ZMYM6: variants seen among roughly 807,000 people sequenced by gnomAD.
ZMYM6 encodes the protein zinc finger MYM-type containing 6.
A neutral mutation model predicts 134.0 loss-of-function variants in ZMYM6; 90 were observed. The observed-to-expected ratio is 0.67, with a 90% CI of 0.57 to 0.80. The LOEUF (loss-of-function observed/expected upper bound fraction) is 0.80, where lower values mean the gene tolerates loss of function less well. ZMYM6 is among the 30% of genes least tolerant of loss of function. ZMYM6 has a pLI of 0.00. For missense variants in ZMYM6, 1,362 were observed against 1,533.9 expected (o/e 0.89, Z 1.87); for synonymous variants, 481 against 524.1 (o/e 0.92, Z 1.12).
At chr1:35,025,045 A>C (rs1268069425) in intron 2 of ZMYM6, among the ~76,000 whole-genome samples, 1 of 151,860 alleles carries the variant, frequency 6.6e-6, no homozygotes, top group Non-Finnish European at 1.5e-5. Context: ...ATTTTTTTGT[A>C]TTTTTAGTAG....
At chr1:35,017,955 T>C (rs1641234423) in intron 4 of ZMYM6, 2 of 152,352 alleles carry the variant, frequency 1.3e-5, no homozygotes, top group South Asian at 4.1e-4. Flanking sequence ...AAACTAAGTT[T>C]ACTCTTTCAG....
chr1:35,015,009 A>C lies in ZMYM6; in HGVS notation c.582T>G (p.Ser194Arg). The change falls in exon 5 of 16, where the codon AGT becomes AGG. Residue 194 changes from serine (S) to arginine (R), a missense_variant. Around this residue, in one of 3 missense-constraint regions of ZMYM6, gnomAD observed 503 missense variants for 520.8 expected, o/e 0.97. Coordinates refer to ENST00000357182, the MANE Select transcript of ZMYM6 (RefSeq NM_007167.4). ...IYTKSISTKC[S>R]MCQKNADTRF... ...TTACATCAGCATTCTTCTGACACAT[A>C]CTGCACTTAGTTGAAATGCTTTTGG... The C allele has an allele frequency of 6.2e-7, 1 of 1,612,976 alleles. No homozygotes were observed.
Position 35,005,127 on chromosome 1 carries a change from C to T in ZMYM6, c.1954+5G>A. ...TTAGCCAAATGCCATTATATCAAGT[C>T]ATACCTTTTAAAACACTGTTAGTGT... On this transcript the variant is annotated splice_donor_5th_base_variant and intron_variant, in intron 13 of 15. Transcript: ENST00000357182. 1 of 1,613,844 alleles carries T rather than the reference C, an allele frequency of 6.2e-7. No individual in the cohort carries two copies. Among genetic ancestry groups the T allele is most frequent in the South Asian group, 1.1e-5 (1 of 90,998 alleles).
At chr1:34,995,054 G>A (rs923305305) in intron 14 of ZMYM6, among the ~76,000 whole-genome samples, 12 of 124,836 alleles carry the variant, frequency 9.6e-5, no homozygotes, top group African/African-American at 2.6e-4. Context: ...ACTTACATAC[G>A]TATATATATG....
In ZMYM6 at chr1:34,988,117, T is replaced by C. The variant is rs1268012862; in HGVS notation, c.2965A>G (p.Arg989Gly). 1 of 1,551,532 alleles carries C rather than the reference T, an allele frequency of 6.4e-7. No homozygotes were observed. The highest frequency in any genetic ancestry group is 2.4e-5 in the East Asian group (1 of 40,922). Residue 989 changes from arginine (R) to glycine (G), a missense_variant, in exon 16 of 16, where the codon AGG (arginine) becomes GGG (glycine). Arg to Gly is a moderately radical substitution (Grantham distance 125). Coordinates refer to ENST00000357182, the MANE Select transcript of ZMYM6 (RefSeq NM_007167.4). The stretch of plus-strand genomic sequence containing the variant: ...ATTTTTGCTTTTAAACCAGAATACC[T>C]GCCAGTCATGCTTGCAGCCCCATCG... ...CTDGAASMTG[R>G]YSGLKAKIQE...
chr1:34,997,811 A>C (rs1259721746), intron 14 of ZMYM6, among the ~76,000 whole-genome samples: 1 of 152,270 alleles, frequency 6.6e-6, no homozygotes, highest in East Asian at 1.9e-4. Context: ...GTACATACTT[A>C]CAATTTCTTA....
chr1:35,000,005 C>T (rs778208421), intron 14 of ZMYM6, among the ~76,000 whole-genome samples: 10 of 151,992 alleles, frequency 6.6e-5, no homozygotes, highest in Non-Finnish European at 1.2e-4. Context: ...CTCAGCTCAC[C>T]GCGGCCTTGA....
intron 2 of ZMYM6, among the ~76,000 whole-genome samples, chr1:35,022,271 T>C (rs567368851): frequency 6.6e-6 from 1 of 152,216 alleles, no homozygotes; most frequent in Admixed American, 6.5e-5. Flanking sequence ...CTCTCTGTTT[T>C]GTTTTTTTTT....
At chr1:35,024,291 T>C (rs1641365644) in intron 2 of ZMYM6, among the ~76,000 whole-genome samples, 1 of 152,240 alleles carries the variant, frequency 6.6e-6, no homozygotes, top group African/African-American at 2.4e-5. Flanking sequence ...AAAATCACCA[T>C]TGTTTATTTG....
chr1:34,992,070 T>C (rs1180242247), intron 15 of ZMYM6, 164 bp downstream of exon 15: 3 of 875,476 alleles, frequency 3.4e-6, no homozygotes, highest in Admixed American at 4.3e-5. Context: ...TTAGTGTTAA[T>C]AATTATGAAA....
intron 9 of ZMYM6, 57 bp downstream of exon 9, chr1:35,010,701 C>T (rs371365215): frequency 6.5e-7 from 1 of 1,538,532 alleles, no homozygotes; most frequent in East Asian, 2.2e-5. Context: ...ATTGAAAACA[C>T]AAAAGTGTTT....
chr1:35,023,268 T>G (rs1641345045), intron 2 of ZMYM6, among the ~76,000 whole-genome samples: 1 of 152,050 alleles, frequency 6.6e-6, no homozygotes, highest in Admixed American at 6.5e-5. Context: ...CCACCACGCC[T>G]GGCTAATTTT....
At chr1:35,029,759 C>T (rs1175813370) in intron 2 of ZMYM6, among the ~76,000 whole-genome samples, 1 of 152,208 alleles carries the variant, frequency 6.6e-6, no homozygotes, top group Non-Finnish European at 1.5e-5. Flanking sequence ...ATTCAGCTTA[C>T]ACATCCTTCC....
rs142231271 is a variant in ZMYM6, at chr1:35,019,544, C to A, written c.237G>T (p.Leu79Phe). ...LSFASSGPSV[L>F]LPSVPAVAIK... ...TAGCAACAGCTGGAACTGAAGGAAG[C>A]AACACACTTGGGCCAGATGATGCAA... Residue 79 changes from leucine (L) to phenylalanine (F), a missense_variant, in exon 4 of 16, where the codon TTG becomes TTT. Around this residue, in one of 3 missense-constraint regions of ZMYM6, gnomAD observed 503 missense variants for 520.8 expected, o/e 0.97. Coordinates refer to ENST00000357182, the MANE Select transcript of ZMYM6 (RefSeq NM_007167.4). 2.5e-6 allele frequency: 4 copies of A among 1,613,966 alleles called. No individual in the cohort carries two copies. Among genetic ancestry groups the A allele is most frequent in the Non-Finnish European group, 3.4e-6 (4 of 1,179,960 alleles).
Position 35,017,564 on chromosome 1 carries a change from G to A in ZMYM6, c.428+1789C>T, listed in dbSNP as rs181724369. The A allele has an allele frequency of 4.8e-4, 73 of 152,206 alleles. 1 individual carries two copies. The highest frequency in any genetic ancestry group is 1.3e-3 in the African/African-American group (55 of 41,522). 9.4% of individuals were successfully genotyped at this position (152,206 alleles called of 1,614,324 possible). On this transcript the variant is annotated intron_variant, in intron 4 of 15. Transcript: ENST00000357182. ...TGAGTGTTATATCGTAACATTTACC[G>A]TAGAAAAACCACACCTTCCAACAAT...
At chr1:34,994,006 C>CA (rs56728803) in intron 14 of ZMYM6, among the ~76,000 whole-genome samples, 602 of 133,084 alleles carry the variant, frequency 4.5e-3, no homozygotes, top group Middle Eastern at 0.011. Context: ...TTTTTTAATC[C>CA]AAAAAAAAAA....
At chr1:34,994,085 C>T (rs553777215) in intron 14 of ZMYM6, among the ~76,000 whole-genome samples, 1 of 151,676 alleles carries the variant, frequency 6.6e-6, no homozygotes, top group Non-Finnish European at 1.5e-5. Context: ...GAGGAATGTA[C>T]TTAAAACATG....
chr1:35,008,718 C>A, intron 11 of ZMYM6, 34 bp downstream of exon 11: 1 of 1,585,638 alleles, frequency 6.3e-7, no homozygotes, highest in South Asian at 1.2e-5. Context: ...GCACTGATTT[C>A]AGAAAGCCAA....
At chr1:35,007,793 G>T (rs989819748) in intron 11 of ZMYM6, among the ~76,000 whole-genome samples, 1 of 151,050 alleles carries the variant, frequency 6.6e-6, no homozygotes, top group African/African-American at 2.4e-5. Flanking sequence ...ACCAGCCTGA[G>T]CAATAGAACA....
Sources: allele counts gnomAD v4.1 joint callset (sites outside exome capture counted in the v4.1 genomes callset), GRCh38; gene constraint gnomAD v4.1.1; regional missense constraint gnomAD v4.1.1; transcripts MANE v1.5; gene names NCBI Gene and HGNC (gene_info 2026-07-23, HGNC 2026-07-21).